The following FGD3 variants were observed in gnomAD, a reference collection of about 807,000 sequenced individuals.
The protein encoded by FGD3 is FYVE, RhoGEF and PH domain-containing protein 3.
FGD3 carries 45 observed loss-of-function variants against 71.8 expected under a neutral mutation model. That is an observed-to-expected ratio of 0.63 (90% CI 0.49 to 0.80). The LOEUF (loss-of-function observed/expected upper bound fraction) is 0.80. Ranked by LOEUF, FGD3 falls within the 30% of genes least tolerant of loss-of-function variation. FGD3 has a pLI of 0.00. For missense variants in FGD3, 844 were observed against 951.5 expected (o/e 0.89, Z 1.49); for synonymous variants, 378 against 392.8 (o/e 0.96, Z 0.44).
chr9:93,035,223 C>A, intron 17 of FGD3, 115 bp from the exon 18 acceptor site: 3 of 1,428,018 alleles, frequency 2.1e-6, no homozygotes, highest in Non-Finnish European at 2.8e-6. Context: ...GGGCTCAGCA[C>A]CTGCCTTGCG....
chr9:92,985,190 C>A (rs1169849032), intron 3 of FGD3, among the ~76,000 whole-genome samples: 1 of 152,250 alleles, frequency 6.6e-6, no homozygotes. Context: ...TGGCTTCCCA[C>A]GCCAATGGCA....
intron 14 of FGD3, among the ~76,000 whole-genome samples, chr9:93,022,742 A>T (rs531124252): frequency 1.3e-5 from 2 of 152,262 alleles, no homozygotes; most frequent in South Asian, 4.1e-4. Context: ...TATGCTCTTA[A>T]CATGTGTGAA....
chr9:92,956,834 C>CTTTTTTTTTTTTTTTTTTTT (rs34469364), intron 1 of FGD3, among the ~76,000 whole-genome samples: 1 of 127,748 alleles, frequency 7.8e-6, no homozygotes, highest in Non-Finnish European at 1.6e-5. Flanking sequence ...TAATTGCTTT[C>CTTTTTTTTTTTTTTTTTTTT]TTTCTTTTTT....
chr9:93,008,095 T>A (rs909482229), intron 6 of FGD3, among the ~76,000 whole-genome samples: 1 of 152,228 alleles, frequency 6.6e-6, no homozygotes, highest in Non-Finnish European at 1.5e-5. Context: ...GTTGCAAAAA[T>A]GACATTGTTA....
intron 3 of FGD3, among the ~76,000 whole-genome samples, chr9:92,978,675 C>T (rs1859866386): frequency 1.0e-5 from 1 of 100,352 alleles, no homozygotes; most frequent in African/African-American, 3.9e-5. Context: ...CCCTCCCCTC[C>T]CCCCTCTTCC....
chr9:93,006,172 A>T lies in FGD3; in HGVS notation c.829A>T (p.Ser277Cys). Residue 277 changes from serine (S) to cysteine (C), a missense_variant, in exon 6 of 18, where the codon AGC (serine) becomes TGC (cysteine). Physicochemically the swap from Ser to Cys is moderately radical, Grantham distance 112. Coordinates refer to ENST00000375482, the MANE Select transcript of FGD3 (RefSeq NM_001083536.2). Reference protein sequence around the residue: ...RSPLFKDVVHSIQKQEVCGNL... With the variant: ...RSPLFKDVVHCIQKQEVCGNL... ...CCCACTGTTTAAAGACGTCGTCCAC[A>T]GCATCCAGGTAAGGCCGGCAGTGGG... 1 of 1,582,276 alleles carries T rather than the reference A, an allele frequency of 6.3e-7. No homozygotes were observed.
chr9:93,018,170 C>G lies in FGD3; in HGVS notation c.1310C>G (p.Thr437Arg). The G allele has an allele frequency of 6.2e-7, 1 of 1,614,182 alleles. No homozygotes were observed. Among genetic ancestry groups the G allele is most frequent in the Non-Finnish European group, 8.5e-7 (1 of 1,180,014 alleles). ...QDIVKPNTAHTFIITGRKRSL... is the reference protein window; with the variant it reads ...QDIVKPNTAHRFIITGRKRSL... ...ATCGTCAAGCCAAACACAGCACATA[C>G]ATTCATCATAACAGGAAGAAAAAGG... Residue 437 changes from threonine (T) to arginine (R), a missense_variant, in exon 11 of 18, where the codon ACA (threonine) becomes AGA (arginine). Thr to Arg is a moderately conservative substitution (Grantham distance 71). Coordinates refer to ENST00000375482, the MANE Select transcript of FGD3 (RefSeq NM_001083536.2).
chr9:93,031,060 AATGGGTGG>A (rs796844262), intron 15 of FGD3, among the ~76,000 whole-genome samples: 6 of 150,288 alleles, frequency 4.0e-5, no homozygotes, highest in African/African-American at 1.5e-4. Context: ...GTGGATAATG[AATGGGTGG>A]ATGGATGGAT....
chr9:93,004,513 C>T (rs890898543), intron 5 of FGD3, among the ~76,000 whole-genome samples: 3 of 152,198 alleles, frequency 2.0e-5, no homozygotes, highest in Non-Finnish European at 2.9e-5. Flanking sequence ...CTGTTTTTCC[C>T]TCTCAACAGT....
intron 1 of FGD3, among the ~76,000 whole-genome samples, chr9:92,954,434 G>A (rs942574719): frequency 3.3e-5 from 5 of 152,160 alleles, no homozygotes; most frequent in South Asian, 2.1e-4. Context: ...TGTGGTTCTC[G>A]GTTCCCAAAA....
Position 92,983,473 on chromosome 9 carries a change from C to T in FGD3, c.453+6764C>T, listed in dbSNP as rs545766362. Among the ~76,000 whole-genome samples the T allele has an allele frequency of 2.2e-4, 34 of 151,758 alleles. No individual in the cohort carries two copies. The South Asian group carries it at 3.5e-3, about 16-fold the overall frequency. On this transcript the variant is annotated intron_variant, in intron 3 of 17. Transcript: ENST00000375482. ...CCGGGAGGCAGAGCTTTCAGTGAGC[C>T]GAGATCACACCACTGCACTCCAGCC...
chr9:92,977,901 A>G (rs1017509407), intron 3 of FGD3, among the ~76,000 whole-genome samples: 6 of 152,222 alleles, frequency 3.9e-5, no homozygotes, highest in African/African-American at 1.4e-4. Flanking sequence ...AATAGAGATC[A>G]GAAGACTGAC....
intron 14 of FGD3, among the ~76,000 whole-genome samples, chr9:93,028,663 C>T (rs1337115246): frequency 1.3e-5 from 2 of 152,202 alleles, no homozygotes; most frequent in South Asian, 2.1e-4. Context: ...ACTTGCCAAA[C>T]GCAGTCGGGG....
intron 3 of FGD3, among the ~76,000 whole-genome samples, chr9:92,990,999 G>A (rs969850302): frequency 6.6e-6 from 1 of 152,128 alleles, no homozygotes; most frequent in Non-Finnish European, 1.5e-5. Flanking sequence ...GGTATCAATT[G>A]TTCTTTATAG....
intron 11 of FGD3, among the ~76,000 whole-genome samples, chr9:93,018,752 C>A (rs988587078): frequency 6.6e-6 from 1 of 152,186 alleles, no homozygotes; most frequent in African/African-American, 2.4e-5. Flanking sequence ...GGACTCGGGG[C>A]GGTTTTAGTA....
chr9:93,010,316 A>G lies in FGD3; in HGVS notation c.908A>G (p.Tyr303Cys). Residue 303 changes from tyrosine to cysteine, a missense_variant, in exon 7 of 18, where the codon TAC becomes TGC. Tyr to Cys is a radical substitution (Grantham distance 194, BLOSUM62 -2). Coordinates refer to ENST00000375482, the MANE Select transcript of FGD3 (RefSeq NM_001083536.2). ...GAGCCCGTGCAGAGGGTCCCCCGGT[A>G]CGAGCTGCTGCTCAAGGACTATCTG... ...MLEPVQRVPR[Y>C]ELLLKDYLKR... 6.2e-7 allele frequency: 1 copy of G among 1,613,700 alleles called. No homozygotes were observed. The highest frequency in any genetic ancestry group is 8.5e-7 in the Non-Finnish European group (1 of 1,179,688).
intron 1 of FGD3, among the ~76,000 whole-genome samples, chr9:92,949,124 G>A (rs367595159): frequency 1.1e-4 from 16 of 152,190 alleles, no homozygotes; most frequent in African/African-American, 3.6e-4. Context: ...ACCCCAGAGA[G>A]GGGGTCACAC....
At chr9:93,026,782 T>G (rs962387108) in intron 14 of FGD3, among the ~76,000 whole-genome samples, 2 of 152,242 alleles carry the variant, frequency 1.3e-5, no homozygotes, top group African/African-American at 4.8e-5. Flanking sequence ...CTTCAGCCCC[T>G]GCTGCCCCCT....
intron 7 of FGD3, among the ~76,000 whole-genome samples, chr9:93,010,832 G>T (rs895748113): frequency 6.6e-6 from 1 of 152,124 alleles, no homozygotes; most frequent in Non-Finnish European, 1.5e-5. Flanking sequence ...TATGCGGGTG[G>T]ACATTGGTCT....
Sources: gnomAD v4.1 joint callset for allele counts (sites outside exome capture counted in the v4.1 genomes callset) on GRCh38, gnomAD v4.1.1 for gene constraint, MANE v1.5 for transcripts, NCBI Gene and HGNC (gene_info 2026-07-23, HGNC 2026-07-21) for gene names.